Variants in ROBO1 observed in about 807,000 individuals in gnomAD.
ROBO1 encodes roundabout guidance receptor 1.
A neutral mutation model predicts 195.9 loss-of-function variants in ROBO1; 149 were observed. The observed-to-expected ratio is 0.76, with a 90% CI of 0.67 to 0.87. The LOEUF (loss-of-function observed/expected upper bound fraction) is 0.87, where lower values mean the gene tolerates loss of function less well. ROBO1 is among the 40% of genes least tolerant of loss of function. The pLI, the probability that ROBO1 is intolerant of heterozygous loss-of-function variation, is 0.00. For synonymous variants in ROBO1, 816 were observed against 733.2 expected, an observed-to-expected ratio of 1.11 and a Z score of -1.82; for missense variants, 1,933 against 2,068.3, an observed-to-expected ratio of 0.93 and a Z score of 1.27.
At chr3:79,170,644 A>C (rs1229784118) in intron 2 of ROBO1, among the ~76,000 whole-genome samples, 1 of 152,124 alleles carries the variant, frequency 6.6e-6, no homozygotes, top group African/African-American at 2.4e-5. Context: ...TTTAGAGGTA[A>C]AAAATGTTGC....
In ROBO1 at chr3:78,747,931, T is replaced by A. The variant is rs555798587; in HGVS notation, c.500-1031A>T. Among the ~76,000 whole-genome samples the A allele has an allele frequency of 4.6e-5, 7 of 152,306 alleles. No homozygotes were observed. In the East Asian group the frequency reaches 9.7e-4, roughly 21 times the overall value. ...CTAGACATGCAATCTTGAACATAAC[T>A]ATTTAATACTTTTGCTTCCCTTTTC... On this transcript the variant is annotated intron_variant, in intron 4 of 30. Transcript: ENST00000464233.
chr3:79,619,317 G>A (rs572360060), intron 1 of ROBO1, among the ~76,000 whole-genome samples: 1 of 152,106 alleles, frequency 6.6e-6, no homozygotes, highest in Non-Finnish European at 1.5e-5. Flanking sequence ...CTCACTATGG[G>A]CAATCTTCCA....
intron 2 of ROBO1, among the ~76,000 whole-genome samples, chr3:79,432,098 A>C (rs1177322263): frequency 1.3e-5 from 2 of 152,060 alleles, no homozygotes; most frequent in Admixed American, 1.3e-4. Flanking sequence ...AGAAGAAATT[A>C]TTTCTTTTTG....
At chr3:78,852,772 A>T (rs939678639) in intron 4 of ROBO1, among the ~76,000 whole-genome samples, 1 of 152,190 alleles carries the variant, frequency 6.6e-6, no homozygotes, top group East Asian at 1.9e-4. Flanking sequence ...TTGAATTCAC[A>T]TATCAAATAG....
chr3:79,639,247 G>A (rs1560061033), intron 1 of ROBO1, among the ~76,000 whole-genome samples: 1 of 152,058 alleles, frequency 6.6e-6, no homozygotes, highest in Non-Finnish European at 1.5e-5. Flanking sequence ...AAATTTGAAA[G>A]GTTTTATTCA....
chr3:79,540,866 G>A (rs1437846333), intron 2 of ROBO1, among the ~76,000 whole-genome samples: 2 of 152,052 alleles, frequency 1.3e-5, no homozygotes, highest in Admixed American at 1.3e-4. Context: ...TACATCCTGT[G>A]TATAATCTTA....
chr3:78,649,594 T>C (rs905555217), intron 19 of ROBO1, among the ~76,000 whole-genome samples: 2 of 152,198 alleles, frequency 1.3e-5, no homozygotes, highest in Non-Finnish European at 2.9e-5. Context: ...TCACTTTCTT[T>C]TTTTCTTAAA....
intron 2 of ROBO1, among the ~76,000 whole-genome samples, chr3:79,372,203 CTTT>C (rs113427698): frequency 7.0e-6 from 1 of 143,186 alleles, no homozygotes; most frequent in Non-Finnish European, 1.5e-5. Flanking sequence ...TTCTAGCATT[CTTT>C]TTTTTTTTTT....
In ROBO1 at chr3:79,693,772, A is replaced by G. The variant is rs11919138; in HGVS notation, c.-51+73980T>C. On this transcript the variant is annotated intron_variant, in intron 1 of 30. Transcript: ENST00000464233. ...TTTTTTATGAGGACACAAATCTAAG[A>G]TAAATAACTTAATTTACACATTCAT... Among the ~76,000 whole-genome samples, 602 of 151,794 alleles carry G rather than the reference A, an allele frequency of 4.0e-3. 3 individuals are homozygous for G. Among genetic ancestry groups the G allele is most frequent in the African/African-American group, 0.014 (569 of 41,456 alleles).
At chr3:78,907,633 C>G (rs926138199) in intron 4 of ROBO1, among the ~76,000 whole-genome samples, 45 of 152,040 alleles carry the variant, frequency 3.0e-4, no homozygotes, top group African/African-American at 1.1e-3. Context: ...AGAAATATTA[C>G]ACTCATGAGT....
intron 2 of ROBO1, among the ~76,000 whole-genome samples, chr3:79,193,425 T>C (rs1576797067): frequency 6.6e-6 from 1 of 151,656 alleles, no homozygotes; most frequent in African/African-American, 2.4e-5. Flanking sequence ...GAGGGAAAGC[T>C]GAGGCTCAAA....
intron 1 of ROBO1, among the ~76,000 whole-genome samples, chr3:79,674,863 T>C (rs1946737266): frequency 1.3e-5 from 2 of 151,684 alleles, no homozygotes; most frequent in African/African-American, 4.8e-5. Context: ...TGTGTGTGTG[T>C]GTGTATTTAC....
At chr3:79,240,514 T>A (rs1395257793) in intron 2 of ROBO1, among the ~76,000 whole-genome samples, 1 of 152,214 alleles carries the variant, frequency 6.6e-6, no homozygotes, top group Non-Finnish European at 1.5e-5. Flanking sequence ...TTAAATTTTA[T>A]CTGTTTTTGA....
intron 3 of ROBO1, among the ~76,000 whole-genome samples, chr3:79,016,313 G>A (rs2077931768): frequency 6.6e-6 from 1 of 152,174 alleles, no homozygotes; most frequent in Non-Finnish European, 1.5e-5. Flanking sequence ...TATGTATGAG[G>A]GAGCACTTTA....
intron 2 of ROBO1, among the ~76,000 whole-genome samples, chr3:79,239,118 GA>G (rs2082466242): frequency 1.1e-4 from 16 of 152,126 alleles, no homozygotes; most frequent in Admixed American, 1.0e-3. Flanking sequence ...TCTGAATTAT[GA>G]TCAAATCTCA....
intron 4 of ROBO1, among the ~76,000 whole-genome samples, chr3:78,790,569 T>C (rs2083986762): frequency 6.6e-6 from 1 of 152,218 alleles, no homozygotes; most frequent in African/African-American, 2.4e-5. Context: ...TACTCATGCT[T>C]ACTAACAATT....
chr3:79,260,773 T>C lies in ROBO1; in HGVS notation c.89-135234A>G, dbSNP rs146242028. Among the ~76,000 whole-genome samples, 474 of 152,224 alleles carry C rather than the reference T, an allele frequency of 3.1e-3. 5 individuals are homozygous for C. The highest frequency in any genetic ancestry group is 0.011 in the African/African-American group (450 of 41,572). On this transcript the variant is annotated intron_variant, in intron 2 of 30. Coordinates refer to ENST00000464233, the MANE Select transcript of ROBO1 (RefSeq NM_002941.4). ...ATGAAAAGTTTTAGAGAACTTCTGA[T>C]GGGAGCAATCACAATTTTTTAAAAT... is the stretch of plus-strand genomic sequence containing the variant.
rs2081104485 is a variant in ROBO1 at position 78,688,705 on chromosome 3, C to A, written c.1113G>T (p.Gln371His). 3 of 1,609,148 alleles carry A rather than the reference C, an allele frequency of 1.9e-6. No homozygotes were observed. Among genetic ancestry groups the A allele is most frequent in the Non-Finnish European group, 2.5e-6 (3 of 1,177,620 alleles). The change falls in exon 9 of 31, where the codon CAG (glutamine) becomes CAT (histidine). Residue 371 changes from glutamine (Q) to histidine (H), a missense_variant. Transcript: ENST00000464233. ...GTTGAGGATTTCCGGTTGCTTCACA[C>A]TGAAAAGTTACAGTCCGTCCCAAAG... Reference protein sequence around the residue: ...VVALGRTVTFQCEATGNPQPA... With the variant: ...VVALGRTVTFHCEATGNPQPA...
chr3:79,043,109 G>GA (rs1252663289), intron 3 of ROBO1, among the ~76,000 whole-genome samples: 2 of 152,026 alleles, frequency 1.3e-5, no homozygotes, highest in African/African-American at 4.8e-5. Flanking sequence ...CAGATTTAAA[G>GA]AAATTGCCTA....
Sources: gnomAD v4.1 joint callset for allele counts (sites outside exome capture counted in the v4.1 genomes callset) on GRCh38, gnomAD v4.1.1 for gene constraint, MANE v1.5 for transcripts, NCBI Gene and HGNC (gene_info 2026-07-23, HGNC 2026-07-21) for gene names.